ADAMTS12: variants seen among roughly 807,000 people sequenced by gnomAD.
The protein encoded by ADAMTS12 is A disintegrin and metalloproteinase with thrombospondin motifs 12.
Under a neutral mutation model 167.8 loss-of-function variants are expected in ADAMTS12, and 118 were observed. The observed-to-expected ratio is 0.70, with a 90% confidence interval of 0.61 to 0.82. The LOEUF (loss-of-function observed/expected upper bound fraction) is 0.82, where lower values mean the gene tolerates loss of function less well. ADAMTS12 is among the 40% of genes least tolerant of loss of function. The pLI is 0.00. For synonymous variants in ADAMTS12, 704 were observed against 716.9 expected (o/e 0.98, Z 0.29); for missense variants, 1,916 against 1,998.8 (o/e 0.96, Z 0.79).
intron 2 of ADAMTS12, among the ~76,000 whole-genome samples, chr5:33,830,795 A>G (rs557687622): frequency 5.7e-4 from 86 of 152,164 alleles, no homozygotes; most frequent in Non-Finnish European, 9.0e-4. Context: ...CTGTCTGTAT[A>G]TATATAGCTT....
At chr5:33,582,247 G>C (rs1408517664) in intron 18 of ADAMTS12, among the ~76,000 whole-genome samples, 1 of 152,192 alleles carries the variant, frequency 6.6e-6, no homozygotes. Flanking sequence ...GCCCATATCT[G>C]TTCCCCAGGA....
chr5:33,654,488 G>A (rs1483714637), intron 7 of ADAMTS12, among the ~76,000 whole-genome samples: 1 of 152,142 alleles, frequency 6.6e-6, no homozygotes, highest in Non-Finnish European at 1.5e-5. Flanking sequence ...GCCTCTATAG[G>A]TACCTGAGTT....
At chr5:33,864,353 G>T (rs1038755521) in intron 2 of ADAMTS12, among the ~76,000 whole-genome samples, 8 of 152,178 alleles carry the variant, frequency 5.3e-5, no homozygotes, top group Non-Finnish European at 5.9e-5. Context: ...TGCTGGAGAG[G>T]ATGTAGAGAA....
At chr5:33,779,778 T>C (rs559128309) in intron 2 of ADAMTS12, among the ~76,000 whole-genome samples, 1 of 152,190 alleles carries the variant, frequency 6.6e-6, no homozygotes, top group South Asian at 2.1e-4. Context: ...GTTGAACTTA[T>C]AGGAGAGAGC....
chr5:33,645,302 C>T (rs928420025), intron 9 of ADAMTS12, among the ~76,000 whole-genome samples: 2 of 152,056 alleles, frequency 1.3e-5, no homozygotes, highest in Admixed American at 6.6e-5. Flanking sequence ...TCCACACACC[C>T]CCCACTTCCC....
chr5:33,542,074 G>A (rs983266983), intron 22 of ADAMTS12, among the ~76,000 whole-genome samples: 4 of 151,954 alleles, frequency 2.6e-5, no homozygotes, highest in Non-Finnish European at 5.9e-5. Flanking sequence ...ACCCATTGGT[G>A]TGTATATTCA....
At chr5:33,815,286 G>A (rs1747606304) in intron 2 of ADAMTS12, among the ~76,000 whole-genome samples, 1 of 152,188 alleles carries the variant, frequency 6.6e-6, no homozygotes, top group Non-Finnish European at 1.5e-5. Flanking sequence ...CCCAATCCCA[G>A]TGTGATGGTA....
intron 2 of ADAMTS12, among the ~76,000 whole-genome samples, chr5:33,807,556 G>A (rs1747285607): frequency 6.6e-6 from 1 of 152,156 alleles, no homozygotes; most frequent in Admixed American, 6.5e-5. Context: ...CACACAATAA[G>A]CATTAAATAA....
chr5:33,793,819 A>T (rs1746667896), intron 2 of ADAMTS12, among the ~76,000 whole-genome samples: 1 of 152,122 alleles, frequency 6.6e-6, no homozygotes, highest in African/African-American at 2.4e-5. Context: ...GATGGGCTTG[A>T]AAATTTGCCC....
intron 18 of ADAMTS12, among the ~76,000 whole-genome samples, chr5:33,582,674 T>C (rs998424128): frequency 1.3e-5 from 2 of 152,242 alleles, no homozygotes; most frequent in African/African-American, 4.8e-5. Context: ...TGTGTGTTTT[T>C]GTCAGGCGCA....
chr5:33,884,561 G>C (rs1029696300), intron 1 of ADAMTS12, among the ~76,000 whole-genome samples: 9 of 152,110 alleles, frequency 5.9e-5, no homozygotes, highest in Non-Finnish European at 1.2e-4. Flanking sequence ...CTTGAGTTGG[G>C]GCACAGTAGG....
intron 1 of ADAMTS12, among the ~76,000 whole-genome samples, chr5:33,885,676 T>C (rs1433021913): frequency 6.6e-6 from 1 of 152,200 alleles, no homozygotes; most frequent in Non-Finnish European, 1.5e-5. Flanking sequence ...CCCGATGCCC[T>C]GCTCACTGTG....
At position 33,790,558 on chromosome 5, in the gene ADAMTS12, AAAAAAAAAAAAAAG is replaced by A. The variant is rs1040730558; in HGVS notation, c.490-39024_490-39011del. Among the ~76,000 whole-genome samples, 47 of 148,748 alleles carry A rather than the reference AAAAAAAAAAAAAAG, an allele frequency of 3.2e-4. 1 individual carries two copies. The highest frequency in any genetic ancestry group is 1.1e-3 in the African/African-American group (44 of 40,846). On this transcript the variant is annotated intron_variant, in intron 2 of 23. Coordinates refer to ENST00000504830, the MANE Select transcript of ADAMTS12 (RefSeq NM_030955.4). Reference sequence around the variant, plus strand: ...GTGACAGAGCAAGACTCCATCTCAAAAAAAAAAAAAAAAGAAAAAAGAAAAAAGAATGTCCCACA... The same window carrying A: ...GTGACAGAGCAAGACTCCATCTCAAAAAAAAAGAAAAAAGAATGTCCCACA...
At chr5:33,810,933 CCTCTTTG>C (rs951410699) in intron 2 of ADAMTS12, among the ~76,000 whole-genome samples, 8 of 152,336 alleles carry the variant, frequency 5.3e-5, no homozygotes, top group African/African-American at 1.9e-4. Context: ...CCTTGTCCCA[CCTCTTTG>C]CTGGGTTCTC....
chr5:33,669,723 T>C lies in ADAMTS12; in HGVS notation c.916-7683A>G, dbSNP rs148083071. Reference sequence around the variant, plus strand: ...AAATTTAAATCCAGATAATAAAGCATTATTTGCATTTGGGAAAATAAATAT... The same window carrying C: ...AAATTTAAATCCAGATAATAAAGCACTATTTGCATTTGGGAAAATAAATAT... On this transcript the variant is annotated intron_variant, in intron 5 of 23. Coordinates refer to ENST00000504830, the MANE Select transcript of ADAMTS12 (RefSeq NM_030955.4). Among the ~76,000 whole-genome samples, 28 of 151,938 alleles carry C rather than the reference T, an allele frequency of 1.8e-4. No homozygotes were observed. The East Asian group carries it at 5.2e-3, about 28-fold the overall frequency.
chr5:33,736,827 A>G (rs997201384), intron 3 of ADAMTS12, among the ~76,000 whole-genome samples: 3 of 152,212 alleles, frequency 2.0e-5, no homozygotes, highest in African/African-American at 7.2e-5. Context: ...GCTTTTCTGA[A>G]GATTCCTAGA....
intron 2 of ADAMTS12, among the ~76,000 whole-genome samples, chr5:33,822,851 G>A (rs1305501545): frequency 6.6e-6 from 1 of 152,114 alleles, no homozygotes; most frequent in African/African-American, 2.4e-5. Flanking sequence ...ACTTTGGGGG[G>A]CCAAGGTGGG....
intron 22 of ADAMTS12, 117 bp from the exon 23 acceptor site, chr5:33,535,109 A>G: frequency 9.2e-7 from 1 of 1,087,442 alleles, no homozygotes; most frequent in Middle Eastern, 3.1e-4. Context: ...ATAACCAGAA[A>G]CCTTTTTGGA....
intron 9 of ADAMTS12, among the ~76,000 whole-genome samples, chr5:33,648,380 G>A (rs1294617011): frequency 2.0e-5 from 3 of 152,230 alleles, no homozygotes; most frequent in Non-Finnish European, 4.4e-5. Context: ...AGAAGGTACG[G>A]TGTCAAATCC....
Sources: allele counts gnomAD v4.1 joint callset (sites outside exome capture counted in the v4.1 genomes callset), GRCh38; gene constraint gnomAD v4.1.1; transcripts MANE v1.5; gene names NCBI Gene and HGNC (gene_info 2026-07-23, HGNC 2026-07-21).